JMJD1C: variants seen among roughly 807,000 people sequenced by gnomAD.
JMJD1C encodes jumonji domain-containing protein 1C.
Under a neutral mutation model 245.3 loss-of-function variants are expected in JMJD1C, and 31 were observed. That is an observed-to-expected ratio of 0.13 (90% CI 0.09 to 0.17). The LOEUF is 0.17. JMJD1C is among the 10% of genes least tolerant of loss of function. The pLI is 1.00. For missense variants in JMJD1C, 2,691 were observed against 3,000.2 expected (o/e 0.90, Z 2.41); for synonymous variants, 1,057 against 1,017.4 (o/e 1.04, Z -0.74).
intron 1 of JMJD1C, among the ~76,000 whole-genome samples, chr10:63,473,181 AC>A (rs1953548594): frequency 6.6e-6 from 1 of 152,226 alleles, no homozygotes; most frequent in Non-Finnish European, 1.5e-5. Context: ...GATGAAAAAA[AC>A]ATTAAGTAGG....
chr10:63,310,158 T>C (rs1374690959), intron 2 of JMJD1C, among the ~76,000 whole-genome samples: 1 of 152,094 alleles, frequency 6.6e-6, no homozygotes, highest in Non-Finnish European at 1.5e-5. Context: ...AATACAAGAC[T>C]CCAAACAAAT....
intron 1 of JMJD1C, among the ~76,000 whole-genome samples, chr10:63,473,371 G>A (rs1281371200): frequency 6.6e-6 from 1 of 151,982 alleles, no homozygotes; most frequent in African/African-American, 2.4e-5. Flanking sequence ...TCAGCCTCCT[G>A]AGTAGCTGGG....
chr10:63,370,125 G>A (rs1342199341), intron 2 of JMJD1C, among the ~76,000 whole-genome samples: 2 of 152,212 alleles, frequency 1.3e-5, no homozygotes, highest in African/African-American at 4.8e-5. Flanking sequence ...ACTGCACAGG[G>A]AGAAGAGTCT....
chr10:63,167,909 T>TA lies in JMJD1C; in HGVS notation c.*135dup, dbSNP rs1841992604. The stretch of plus-strand genomic sequence containing the variant: ...ATATGCTATACTGCTGTGGTGTCAG[T>TA]AACAAGTAATTACTACAAAGAGAAT... On this transcript the variant is annotated 3_prime_UTR_variant, in exon 26 of 26. Transcript: ENST00000399262. The TA allele has an allele frequency of 8.0e-6, 5 of 622,104 alleles. No homozygotes were observed. In the Admixed American group the frequency reaches 1.3e-4, roughly 16 times the overall value. 38.5% of individuals were successfully genotyped at this position (622,104 alleles called of 1,614,324 possible).
intron 1 of JMJD1C, among the ~76,000 whole-genome samples, chr10:63,480,657 T>A (rs199730983): frequency 5.3e-5 from 8 of 151,668 alleles, no homozygotes; most frequent in African/African-American, 1.7e-4. Context: ...CTATTATTCA[T>A]CACAGCCAGT....
chr10:63,369,153 CTCTTT>C (rs1253226888), intron 2 of JMJD1C, among the ~76,000 whole-genome samples: 1 of 151,204 alleles, frequency 6.6e-6, no homozygotes, highest in Non-Finnish European at 1.5e-5. Flanking sequence ...CTTTCTCTCT[CTCTTT>C]TCTTCTCCTC....
At chr10:63,279,788 C>T (rs1310621702) in intron 2 of JMJD1C, among the ~76,000 whole-genome samples, 1 of 152,136 alleles carries the variant, frequency 6.6e-6, no homozygotes, top group Non-Finnish European at 1.5e-5. Flanking sequence ...TGAAAGAATC[C>T]TGAAGGGTTT....
chr10:63,250,266 C>A (rs1310662586), intron 3 of JMJD1C, among the ~76,000 whole-genome samples: 3 of 152,144 alleles, frequency 2.0e-5, no homozygotes, highest in African/African-American at 7.2e-5. Flanking sequence ...GATCCTCCTG[C>A]TTTGGCTCTT....
rs1328765258 is a variant in JMJD1C, at chr10:63,336,594, AAAG to A, written c.333+43721_333+43723del. On this transcript the variant is annotated intron_variant, in intron 2 of 25. Coordinates refer to ENST00000399262, the MANE Select transcript of JMJD1C (RefSeq NM_032776.3). ...CTTTAAAATCTATAGAATAAATAAAAAAGAAGAATGAGATAGTTAATCTAAAAA... is the reference window on the plus strand; with the variant it reads ...CTTTAAAATCTATAGAATAAATAAAAAAGAATGAGATAGTTAATCTAAAAA... Among the ~76,000 whole-genome samples, 12 of 152,310 alleles carry A rather than the reference AAAG, an allele frequency of 7.9e-5. No homozygotes were observed. In the South Asian group the frequency reaches 1.9e-3, roughly 24 times the overall value.
chr10:63,261,888 C>T (rs995932648), intron 3 of JMJD1C, among the ~76,000 whole-genome samples: 2 of 152,166 alleles, frequency 1.3e-5, no homozygotes, highest in African/African-American at 2.4e-5. Flanking sequence ...ATTAGATTCA[C>T]AGCAAAGCAT....
chr10:63,377,502 A>C (rs1156613446), intron 2 of JMJD1C, among the ~76,000 whole-genome samples: 3 of 152,188 alleles, frequency 2.0e-5, no homozygotes, highest in African/African-American at 7.2e-5. Flanking sequence ...TGGGAGGCTG[A>C]GGCAGGCAGA....
intron 2 of JMJD1C, among the ~76,000 whole-genome samples, chr10:63,307,641 T>C (rs1335651693): frequency 6.6e-6 from 1 of 151,874 alleles, no homozygotes; most frequent in Non-Finnish European, 1.5e-5. Context: ...AGACTGGCAC[T>C]GGGGGCTAAG....
At position 63,208,766 on chromosome 10, in the gene JMJD1C, C is replaced by G. The variant is rs1179349235; in HGVS notation, c.2903G>C (p.Arg968Pro). ...LERKAFMEPLRSVASTSAKND... is the reference protein window; with the variant it reads ...LERKAFMEPLPSVASTSAKND... ...TTTGGCTGATGTGGATGCAACAGACCGTAATGGTTCCATAAAAGCTTTTCT... is the reference window on the plus strand; with the variant it reads ...TTTGGCTGATGTGGATGCAACAGACGGTAATGGTTCCATAAAAGCTTTTCT... The change falls in exon 10 of 26, where the codon CGG (arginine) becomes CCG (proline). Residue 968 changes from arginine (R) to proline (P), a missense_variant. By Grantham distance (103) the Arg-to-Pro change is moderately radical. Transcript: ENST00000399262. 1 of 1,593,040 alleles carries G rather than the reference C, an allele frequency of 6.3e-7. No individual in the cohort carries two copies. The highest frequency in any genetic ancestry group is 8.5e-7 in the Non-Finnish European group (1 of 1,173,658).
intron 3 of JMJD1C, among the ~76,000 whole-genome samples, chr10:63,263,924 T>TC (rs1431019962): frequency 9.3e-6 from 1 of 108,008 alleles, no homozygotes; most frequent in Non-Finnish European, 1.7e-5. Context: ...AGAGTGAGAC[T>TC]CCATCACGGA....
At chr10:63,302,085 C>T (rs1215914298) in intron 2 of JMJD1C, among the ~76,000 whole-genome samples, 2 of 152,200 alleles carry the variant, frequency 1.3e-5, no homozygotes, top group East Asian at 1.9e-4. Flanking sequence ...GGTGGGATCA[C>T]GGCTAACTGC....
In JMJD1C at chr10:63,302,892, T is replaced by C. The variant is rs1337419514; in HGVS notation, c.334-38128A>G. On this transcript the variant is annotated intron_variant, in intron 2 of 25. Transcript: ENST00000399262. ...GATAAACATCCACTTCTTCCTAAAG[T>C]TTACATACACATATAGAGACTACTT... Among the ~76,000 whole-genome samples, 5 of 152,128 alleles carry C rather than the reference T, an allele frequency of 3.3e-5. No homozygotes were observed. In the East Asian group the frequency reaches 5.8e-4, roughly 18 times the overall value.
chr10:63,248,357 C>T (rs1852535216), intron 3 of JMJD1C, among the ~76,000 whole-genome samples: 1 of 151,694 alleles, frequency 6.6e-6, no homozygotes, highest in Admixed American at 6.6e-5. Flanking sequence ...CCTGTCTCTA[C>T]TAAAAATACA....
chr10:63,212,480 C>G (rs1847481149), intron 8 of JMJD1C, among the ~76,000 whole-genome samples: 1 of 152,078 alleles, frequency 6.6e-6, no homozygotes, highest in East Asian at 1.9e-4. Context: ...CTCTCAATAA[C>G]CATTTTTTAG....
chr10:63,407,682 A>C (rs1949247148), intron 1 of JMJD1C, among the ~76,000 whole-genome samples: 1 of 152,122 alleles, frequency 6.6e-6, no homozygotes, highest in South Asian at 2.1e-4. Flanking sequence ...ATAGGGAAAA[A>C]TGACAGGAAG....
Sources: allele counts gnomAD v4.1 joint callset (sites outside exome capture counted in the v4.1 genomes callset), GRCh38; gene constraint gnomAD v4.1.1; transcripts MANE v1.5; gene names NCBI Gene and HGNC (gene_info 2026-07-23, HGNC 2026-07-21).